The following OR2A12 variants were observed in gnomAD, a reference collection of about 807,000 sequenced individuals.
OR2A12 encodes olfactory receptor 2A12.
For synonymous variants in OR2A12, 153 were observed against 149.3 expected (o/e 1.02, Z -0.18); for missense variants, 380 against 372.5 (o/e 1.02, Z -0.17).
chr7:144,095,927 T>A lies in OR2A12; in HGVS notation c.820T>A (p.Ser274Thr). ...SHSQERRKIL[S>T]LFYSLFNPIL... Reference sequence around the variant, plus strand: ...TTCTCAAGAACGGAGGAAGATCCTTTCCCTGTTTTACAGCCTTTTCAACCC... The same window carrying A: ...TTCTCAAGAACGGAGGAAGATCCTTACCCTGTTTTACAGCCTTTTCAACCC... The change falls in exon 2 of 2, where the codon TCC becomes ACC. Residue 274 changes from serine to threonine, a missense_variant. By Grantham distance (58) the Ser-to-Thr change is moderately conservative (BLOSUM62 1). Coordinates refer to ENST00000641592, the MANE Select transcript of OR2A12 (RefSeq NM_001004135.2). 1 of 1,614,104 alleles carries A rather than the reference T, an allele frequency of 6.2e-7. No individual in the cohort carries two copies. Among genetic ancestry groups the A allele is most frequent in the Non-Finnish European group, 8.5e-7 (1 of 1,180,026 alleles).
chr7:144,095,837 C>G lies in OR2A12; in HGVS notation c.730C>G (p.Leu244Val). 1.2e-6 allele frequency: 2 copies of G among 1,614,164 alleles called. No individual in the cohort carries two copies. Among genetic ancestry groups the G allele is most frequent in the Non-Finnish European group, 1.7e-6 (2 of 1,180,020 alleles). ...GGCCTTCTCTACCTGCTCCTCCCAC[C>G]TCTGCGTGGTGGGGCTTTTCTTTGG... ...RKAFSTCSSH[L>V]CVVGLFFGSA... The change falls in exon 2 of 2, where the codon CTC (leucine) becomes GTC (valine). Residue 244 changes from leucine (L) to valine (V), a missense_variant. Physicochemically the swap from Leu to Val is conservative, Grantham distance 32. Transcript: ENST00000641592.
At chr7:144,086,965 C>G (rs182616616) in intron 1 of OR2A12, among the ~76,000 whole-genome samples, 1 of 152,108 alleles carries the variant, frequency 6.6e-6, no homozygotes, top group Non-Finnish European at 1.5e-5. Context: ...AGTGTCAAAA[C>G]GTTACATAGG....
At position 144,095,487 on chromosome 7, in the gene OR2A12, A is replaced by C; in HGVS notation, c.380A>C (p.His127Pro). The change falls in exon 2 of 2, where the codon CAC becomes CCC. Residue 127 changes from histidine (H) to proline (P), a missense_variant. Transcript: ENST00000641592. The stretch of plus-strand genomic sequence containing the variant: ...TATGATCGGTATGTGGCAATCTGTC[A>C]CCCCTTGCAATACACCCTCATTATG... ...MCYDRYVAIC[H>P]PLQYTLIMNW... 1 of 1,613,678 alleles carries C rather than the reference A, an allele frequency of 6.2e-7. No homozygotes were observed. The highest frequency in any genetic ancestry group is 8.5e-7 in the Non-Finnish European group (1 of 1,179,686).
At chr7:144,087,650 A>G (rs918208859) in intron 1 of OR2A12, among the ~76,000 whole-genome samples, 1 of 152,234 alleles carries the variant, frequency 6.6e-6, no homozygotes, top group Non-Finnish European at 1.5e-5. Flanking sequence ...GATGTTTCTC[A>G]CTTTTGAGAA....
chr7:144,095,564 C>T lies in OR2A12; in HGVS notation c.457C>T (p.Leu153Phe). 10 of 1,614,100 alleles carry T rather than the reference C, an allele frequency of 6.2e-6. No homozygotes were observed. The highest frequency in any genetic ancestry group is 8.5e-6 in the Non-Finnish European group (10 of 1,180,000). Residue 153 changes from leucine to phenylalanine, a missense_variant, in exon 2 of 2, where the codon CTC becomes TTC. Physicochemically the swap from Leu to Phe is conservative, Grantham distance 22. Transcript: ENST00000641592. ...LASTCWIFSF[L>F]LALVHITLIL... ...CTCAACTTGCTGGATATTTAGCTTT[C>T]TCTTGGCTCTGGTCCATATTACTCT...
At chr7:144,089,850 A>G (rs534047870) in intron 1 of OR2A12, among the ~76,000 whole-genome samples, 10 of 152,322 alleles carry the variant, frequency 6.6e-5, no homozygotes, top group South Asian at 6.2e-4. Flanking sequence ...TAATCATTTT[A>G]TAGCCCATTG....
chr7:144,091,118 C>T (rs776465707), intron 1 of OR2A12, among the ~76,000 whole-genome samples: 12 of 152,166 alleles, frequency 7.9e-5, no homozygotes, highest in African/African-American at 2.2e-4. Flanking sequence ...GGGCTGGGTG[C>T]GGTGGCTCAT....
In OR2A12 at chr7:144,088,657, A is replaced by G. The variant is rs148629074; in HGVS notation, c.-52+2114A>G. 5.3e-3 allele frequency among the ~76,000 whole-genome samples: 809 copies of G among 152,370 alleles called. 5 individuals are homozygous for G. The highest frequency in any genetic ancestry group is 7.2e-3 in the Non-Finnish European group (487 of 68,034). ...TATATTAATGTATACATGCATATAT[A>G]CATATCTCATTAATTTTGTACATTG... On this transcript the variant is annotated intron_variant, in intron 1 of 1. Transcript: ENST00000641592.
chr7:144,092,678 G>A (rs1434318469), intron 1 of OR2A12, among the ~76,000 whole-genome samples: 1 of 151,960 alleles, frequency 6.6e-6, no homozygotes, highest in East Asian at 1.9e-4. Context: ...ATTTTTGTAT[G>A]TTGATTCTGT....
chr7:144,087,377 C>T (rs1347626481), intron 1 of OR2A12, among the ~76,000 whole-genome samples: 1 of 152,146 alleles, frequency 6.6e-6, no homozygotes, highest in African/African-American at 2.4e-5. Flanking sequence ...TAAGCTTTTC[C>T]TGATTTGTGT....
chr7:144,087,539 A>T (rs1278873891), intron 1 of OR2A12, among the ~76,000 whole-genome samples: 4 of 152,220 alleles, frequency 2.6e-5, no homozygotes, highest in Non-Finnish European at 5.9e-5. Context: ...AACTTCTCTG[A>T]TTCACATGTA....
At chr7:144,088,240 G>A (rs576286293) in intron 1 of OR2A12, among the ~76,000 whole-genome samples, 3 of 152,254 alleles carry the variant, frequency 2.0e-5, no homozygotes, top group South Asian at 4.1e-4. Context: ...TCGAACTCCT[G>A]ACCTCAAGTG....
At chr7:144,092,033 G>T (rs1013172471) in intron 1 of OR2A12, among the ~76,000 whole-genome samples, 1 of 152,220 alleles carries the variant, frequency 6.6e-6, no homozygotes, top group African/African-American at 2.4e-5. Flanking sequence ...TTTGCATATG[G>T]TGTAAGGAAG....
chr7:144,087,680 G>T (rs908949117), intron 1 of OR2A12, among the ~76,000 whole-genome samples: 1 of 152,104 alleles, frequency 6.6e-6, no homozygotes, highest in Non-Finnish European at 1.5e-5. Context: ...TTAAAATAAT[G>T]TGTTTTCTTA....
In OR2A12 at chr7:144,098,856, G is replaced by A. The variant is rs1298210511; in HGVS notation, c.*2816G>A. On this transcript the variant is annotated 3_prime_UTR_variant, in exon 2 of 2. Coordinates refer to ENST00000641592, the MANE Select transcript of OR2A12 (RefSeq NM_001004135.2). ...ATATCTCCCTTCTACCACCAGGAAG[G>A]AAAGTTATCAGGATCATTGAAGGAG... 6.6e-6 allele frequency: 1 copy of A among 152,058 alleles called. No individual in the cohort carries two copies. The highest frequency in any genetic ancestry group is 2.4e-5 in the African/African-American group (1 of 41,406). 9.4% of individuals were successfully genotyped at this position (152,058 alleles called of 1,614,324 possible).
intron 1 of OR2A12, among the ~76,000 whole-genome samples, chr7:144,089,335 T>TGTGTGC (rs1323061170): frequency 2.6e-5 from 4 of 151,900 alleles, no homozygotes; most frequent in Non-Finnish European, 5.9e-5. Flanking sequence ...TGTGTGCGCG[T>TGTGTGC]GTGTGCGTGT....
rs778615966 is a variant in OR2A12 at position 144,095,640 on chromosome 7, G to A, written c.533G>A (p.Cys178Tyr). The change falls in exon 2 of 2, where the codon TGT becomes TAT. Residue 178 changes from cysteine (C) to tyrosine (Y), a missense_variant. Transcript: ENST00000641592. ...CCACAAAAGATCAACCACTTTTTCT[G>A]TCAAATCATGTCCGTATTCAAATTG... ...CGPQKINHFF[C>Y]QIMSVFKLAC... 3.7e-6 allele frequency: 6 copies of A among 1,614,080 alleles called. No homozygotes were observed. The highest frequency in any genetic ancestry group is 1.6e-4 in the Middle Eastern group (1 of 6,062).
chr7:144,092,338 C>CT (rs143714325), intron 1 of OR2A12, among the ~76,000 whole-genome samples: 1,513 of 151,180 alleles, frequency 0.01, 11 homozygotes, highest in African/African-American at 0.025. Context: ...TATTTGGGCT[C>CT]TTTTTTTTTG....
At chr7:144,091,670 T>A (rs1351003505) in intron 1 of OR2A12, among the ~76,000 whole-genome samples, 1 of 152,028 alleles carries the variant, frequency 6.6e-6, no homozygotes, top group Non-Finnish European at 1.5e-5. Flanking sequence ...TTTTGAAGTG[T>A]CTGTTCATAC....
Sources: allele counts gnomAD v4.1 joint callset (sites outside exome capture counted in the v4.1 genomes callset), GRCh38; gene constraint gnomAD v4.1.1; transcripts MANE v1.5; gene names NCBI Gene and HGNC (gene_info 2026-07-23, HGNC 2026-07-21).